Variants in PROS1 observed in about 807,000 individuals in gnomAD.
The protein encoded by PROS1 is protein S.
PROS1 carries 29 observed loss-of-function variants against 75.9 expected under a neutral mutation model. The observed-to-expected ratio is 0.38, with a 90% confidence interval of 0.28 to 0.52. The LOEUF (loss-of-function observed/expected upper bound fraction) is 0.52. PROS1 is among the 20% of genes least tolerant of loss of function. The probability of loss-of-function intolerance (pLI) is 0.83; values close to 1 mark genes in which losing one functional copy is unlikely to be tolerated. For missense variants in PROS1, 680 were observed against 810.3 expected, an observed-to-expected ratio of 0.84 and a Z score of 1.95; for synonymous variants, 245 against 280.6, an observed-to-expected ratio of 0.87 and a Z score of 1.27.
intron 1 of PROS1, among the ~76,000 whole-genome samples, chr3:93,961,372 G>T (rs1286550435): frequency 6.6e-6 from 1 of 152,188 alleles, no homozygotes; most frequent in East Asian, 1.9e-4. Flanking sequence ...TTTTAAAATT[G>T]ATTTTATAGA....
At chr3:93,903,133 G>T (rs1159316499) in intron 6 of PROS1, among the ~76,000 whole-genome samples, 1 of 152,072 alleles carries the variant, frequency 6.6e-6, no homozygotes, top group Non-Finnish European at 1.5e-5. Flanking sequence ...CTCCCAAAGT[G>T]CTGGGATTAC....
At chr3:93,946,838 G>GAAAAAAAA (rs769904782) in intron 1 of PROS1, among the ~76,000 whole-genome samples, 1 of 64,044 alleles carries the variant, frequency 1.6e-5, no homozygotes, top group Non-Finnish European at 3.2e-5. Flanking sequence ...CTTCTGCACA[G>GAAAAAAAA]AAAAAAAAAA....
rs190305575 is a variant in PROS1 at position 93,966,317 on chromosome 3, C to T, written c.76+7357G>A. ...AAGAGGTAGATCACAGGCTTAGGGA[C>T]GAAGTTCAAGCAAGAATTGTCCCAG... On this transcript the variant is annotated intron_variant, in intron 1 of 14. Coordinates refer to ENST00000394236, the MANE Select transcript of PROS1 (RefSeq NM_000313.4). Among the ~76,000 whole-genome samples the T allele has an allele frequency of 8.2e-4, 125 of 152,252 alleles. 1 individual carries two copies. The highest frequency in any genetic ancestry group is 3.5e-3 in the East Asian group (18 of 5,172).
At chr3:93,923,385 CA>C (rs956933153) in intron 3 of PROS1, among the ~76,000 whole-genome samples, 1 of 152,060 alleles carries the variant, frequency 6.6e-6, no homozygotes, top group African/African-American at 2.4e-5. Flanking sequence ...CCCTAAGAAG[CA>C]AGAGTTAACA....
chr3:93,910,810 A>G, intron 3 of PROS1, 105 bp from the exon 4 acceptor site: 1 of 882,086 alleles, frequency 1.1e-6, no homozygotes, highest in Non-Finnish European at 1.8e-6. Flanking sequence ...GCTCCTGTAG[A>G]TTCACAAGAT....
At chr3:93,891,846 T>C (rs1419938958) in intron 10 of PROS1, among the ~76,000 whole-genome samples, 10 of 151,932 alleles carry the variant, frequency 6.6e-5, no homozygotes, top group African/African-American at 2.2e-4. Context: ...GAGGATTCCT[T>C]GAGTTCAAGA....
intron 3 of PROS1, among the ~76,000 whole-genome samples, chr3:93,921,970 G>T (rs939531703): frequency 6.6e-6 from 1 of 152,056 alleles, no homozygotes; most frequent in African/African-American, 2.4e-5. Context: ...TTTCTCAATT[G>T]GAAAGTTCAT....
At chr3:93,901,276 C>CA (rs1182246248) in intron 6 of PROS1, among the ~76,000 whole-genome samples, 4 of 152,130 alleles carry the variant, frequency 2.6e-5, no homozygotes, top group Admixed American at 2.6e-4. Context: ...ATTTTTTGTA[C>CA]ATGGGAAGGC....
At chr3:93,886,567 G>T in intron 10 of PROS1, 64 bp from the exon 11 acceptor site, 1 of 1,217,876 alleles carries the variant, frequency 8.2e-7, no homozygotes, top group Non-Finnish European at 1.2e-6. Context: ...GAAATACTGG[G>T]ATCTAAAACT....
At chr3:93,924,286 C>T in intron 2 of PROS1, 22 bp from the exon 3 acceptor site, 1 of 1,242,766 alleles carries the variant, frequency 8.0e-7, no homozygotes, top group Non-Finnish European at 1.1e-6. Flanking sequence ...AAAAAGAAAA[C>T]ATATCTTAGC....
At chr3:93,927,558 C>G (rs1709038623) in intron 1 of PROS1, 151 bp from the exon 2 acceptor site, 2 of 905,474 alleles carry the variant, frequency 2.2e-6, no homozygotes, top group East Asian at 2.6e-5. Flanking sequence ...AATGCAGATA[C>G]AGAAGCACGT....
chr3:93,912,135 T>A (rs1180158883), intron 3 of PROS1, among the ~76,000 whole-genome samples: 1 of 152,210 alleles, frequency 6.6e-6, no homozygotes, highest in Non-Finnish European at 1.5e-5. Context: ...GATCCATTCC[T>A]TCTGGAGACT....
intron 4 of PROS1, among the ~76,000 whole-genome samples, chr3:93,906,583 C>T (rs1163043811): frequency 6.6e-6 from 1 of 152,242 alleles, no homozygotes; most frequent in African/African-American, 2.4e-5. Context: ...ATGGCCAGGG[C>T]TGCACGTGCC....
At chr3:93,934,742 T>C (rs1022115786) in intron 1 of PROS1, among the ~76,000 whole-genome samples, 8 of 152,200 alleles carry the variant, frequency 5.3e-5, no homozygotes, top group African/African-American at 1.9e-4. Flanking sequence ...GAGTGTAGGC[T>C]GGCATTTATT....
intron 11 of PROS1, 68 bp from the exon 12 acceptor site, chr3:93,884,964 G>C (rs183151460): frequency 7.6e-7 from 1 of 1,310,856 alleles, no homozygotes; most frequent in Admixed American, 2.5e-5. Context: ...TATGAGTATA[G>C]GTTTTCATTA....
chr3:93,883,833 C>T (rs1041913852), intron 12 of PROS1, among the ~76,000 whole-genome samples: 3 of 152,078 alleles, frequency 2.0e-5, no homozygotes, highest in Non-Finnish European at 4.4e-5. Flanking sequence ...GCCTGTAGTT[C>T]TAGCTACTCA....
At chr3:93,937,337 T>C (rs1344952047) in intron 1 of PROS1, among the ~76,000 whole-genome samples, 1 of 151,264 alleles carries the variant, frequency 6.6e-6, no homozygotes. Context: ...CGGGAATCTA[T>C]GGATAACATT....
chr3:93,956,895 C>G (rs6441600), intron 1 of PROS1, among the ~76,000 whole-genome samples: 148,085 of 152,214 alleles, frequency 0.97, 72,078 homozygotes, highest in African/African-American at 0.98. Context: ...TTCAAAAGCA[C>G]GTTCCCAGGA....
At chr3:93,923,454 A>G (rs1199263409) in intron 3 of PROS1, among the ~76,000 whole-genome samples, 1 of 152,196 alleles carries the variant, frequency 6.6e-6, no homozygotes, top group Non-Finnish European at 1.5e-5. Flanking sequence ...TTTTTATTAT[A>G]AAATATTTAC....
Sources: allele counts gnomAD v4.1 joint callset (sites outside exome capture counted in the v4.1 genomes callset), GRCh38; gene constraint gnomAD v4.1.1; transcripts MANE v1.5; gene names NCBI Gene and HGNC (gene_info 2026-07-23, HGNC 2026-07-21).